Variants in PARD3 observed in about 807,000 individuals in gnomAD.
PARD3 encodes par-3 family cell polarity regulator.
Under a neutral mutation model 155.4 loss-of-function variants are expected in PARD3, and 75 were observed. That is an observed-to-expected ratio of 0.48 (90% confidence interval 0.40 to 0.58). The LOEUF (loss-of-function observed/expected upper bound fraction) is 0.58. Ranked by LOEUF, PARD3 falls within the 20% of genes least tolerant of loss-of-function variation. The pLI is 0.00. For missense variants in PARD3, 1,642 were observed against 1,721.7 expected (o/e 0.95, Z 0.82); for synonymous variants, 576 against 610.5 (o/e 0.94, Z 0.83).
In PARD3 at chr10:34,686,699, C is replaced by T. The variant is rs575709384; in HGVS notation, c.222+9619G>A. On this transcript the variant is annotated intron_variant, in intron 2 of 24. Transcript: ENST00000374788. ...GAGGTTGCAGTGAACTGTGATCGTA[C>T]CATTGCACTCCAGCCTGGGAAACAA... 2.6e-5 allele frequency among the ~76,000 whole-genome samples: 4 copies of T among 151,802 alleles called. No individual in the cohort carries two copies. In the South Asian group the frequency reaches 6.3e-4, roughly 24 times the overall value.
intron 7 of PARD3, among the ~76,000 whole-genome samples, chr10:34,389,775 T>C (rs977347982): frequency 6.6e-6 from 1 of 152,120 alleles, no homozygotes; most frequent in Non-Finnish European, 1.5e-5. Flanking sequence ...ACTGAAAGCA[T>C]GGACACCAAA....
chr10:34,449,556 CA>C (rs5784416), intron 5 of PARD3, among the ~76,000 whole-genome samples: 8,266 of 149,326 alleles, frequency 0.055, 763 homozygotes, highest in African/African-American at 0.19. Context: ...ACATATGTAA[CA>C]AATCTGCACA....
intron 22 of PARD3, among the ~76,000 whole-genome samples, chr10:34,215,793 A>AGT (rs1423149534): frequency 1.3e-5 from 2 of 152,230 alleles, no homozygotes; most frequent in Non-Finnish European, 2.9e-5. Context: ...TTAGCAAAGA[A>AGT]GTGTGTGTGT....
intron 1 of PARD3, among the ~76,000 whole-genome samples, chr10:34,805,935 T>A (rs1843325293): frequency 6.6e-6 from 1 of 151,224 alleles, no homozygotes; most frequent in South Asian, 2.1e-4. Context: ...CGAAATCACG[T>A]CACTGCACTC....
intron 22 of PARD3, among the ~76,000 whole-genome samples, chr10:34,165,783 CTTTG>C (rs1259162756): frequency 6.6e-6 from 1 of 152,164 alleles, no homozygotes; most frequent in African/African-American, 2.4e-5. Context: ...TTTTACATCT[CTTTG>C]TTTGTTCCGT....
intron 2 of PARD3, among the ~76,000 whole-genome samples, chr10:34,666,838 A>C (rs566308539): frequency 8.0e-5 from 11 of 137,570 alleles, no homozygotes; most frequent in South Asian, 4.7e-4. Context: ...CACACACACA[A>C]ACATACATTT....
chr10:34,529,951 T>C (rs1472182264), intron 2 of PARD3, among the ~76,000 whole-genome samples: 1 of 152,082 alleles, frequency 6.6e-6, no homozygotes, highest in Non-Finnish European at 1.5e-5. Flanking sequence ...ACCAGGCTGG[T>C]CTCAAACTCC....
At chr10:34,112,556 A>G (rs1452455403) in intron 24 of PARD3, among the ~76,000 whole-genome samples, 1 of 152,210 alleles carries the variant, frequency 6.6e-6, no homozygotes, top group African/African-American at 2.4e-5. Flanking sequence ...GTAATAAAAC[A>G]AAGTATATTG....
At chr10:34,268,731 G>GA (rs1261269246) in intron 22 of PARD3, among the ~76,000 whole-genome samples, 1 of 151,982 alleles carries the variant, frequency 6.6e-6, no homozygotes, top group East Asian at 1.9e-4. Context: ...TGAACAATGA[G>GA]AACACTTGGA....
At chr10:34,687,289 T>G (rs553448983) in intron 2 of PARD3, among the ~76,000 whole-genome samples, 1 of 152,254 alleles carries the variant, frequency 6.6e-6, no homozygotes, top group Admixed American at 6.5e-5. Flanking sequence ...GCAAGGGGGC[T>G]GGGGAAGGAT....
chr10:34,798,007 AAAACACAC>A (rs1324699274), intron 1 of PARD3, among the ~76,000 whole-genome samples: 3 of 152,178 alleles, frequency 2.0e-5, no homozygotes, highest in African/African-American at 7.2e-5. Flanking sequence ...CTCAAAAAAG[AAAACACAC>A]AAAGACACAA....
At chr10:34,808,121 C>T (rs1340141542) in intron 1 of PARD3, among the ~76,000 whole-genome samples, 1 of 152,142 alleles carries the variant, frequency 6.6e-6, no homozygotes, top group Non-Finnish European at 1.5e-5. Context: ...TGAGATCAGC[C>T]TAGCCAACAT....
chr10:34,718,193 G>A (rs1390161354), intron 1 of PARD3, among the ~76,000 whole-genome samples: 1 of 150,980 alleles, frequency 6.6e-6, no homozygotes, highest in Non-Finnish European at 1.5e-5. Context: ...GCAAGCCATA[G>A]GTATATGAAA....
At chr10:34,231,266 C>CAAAAAAAAAA (rs57175956) in intron 22 of PARD3, among the ~76,000 whole-genome samples, 3 of 81,848 alleles carry the variant, frequency 3.7e-5, no homozygotes, top group Non-Finnish European at 4.5e-5. Flanking sequence ...TAATCTTAGG[C>CAAAAAAAAAA]AAAAAAAAAA....
intron 1 of PARD3, among the ~76,000 whole-genome samples, chr10:34,765,404 G>A (rs1837963766): frequency 6.6e-6 from 1 of 152,068 alleles, no homozygotes; most frequent in Non-Finnish European, 1.5e-5. Flanking sequence ...TCGGCCAGGT[G>A]CAGTGGCTCA....
chr10:34,198,022 C>T (rs1023224302), intron 22 of PARD3, among the ~76,000 whole-genome samples: 5 of 152,180 alleles, frequency 3.3e-5, no homozygotes, highest in African/African-American at 7.2e-5. Flanking sequence ...CCACCGCGCC[C>T]GGCCGAATCT....
chr10:34,542,202 GGT>G (rs1186576618), intron 2 of PARD3, among the ~76,000 whole-genome samples: 1 of 65,704 alleles, frequency 1.5e-5, no homozygotes, highest in African/African-American at 6.0e-5. Context: ...GGTTGTTTGG[GGT>G]GTGTGTGTGT....
At chr10:34,302,283 G>C (rs1006763666) in intron 20 of PARD3, among the ~76,000 whole-genome samples, 3 of 152,130 alleles carry the variant, frequency 2.0e-5, no homozygotes, top group Non-Finnish European at 2.9e-5. Context: ...ATGAATTGCA[G>C]AATATTAGTA....
intron 2 of PARD3, among the ~76,000 whole-genome samples, chr10:34,685,586 T>G (rs1330596401): frequency 4.2e-5 from 6 of 143,244 alleles, no homozygotes; most frequent in Non-Finnish European, 3.0e-5. Flanking sequence ...ATGCACGTGA[T>G]TCCCGCAATC....
Sources: allele counts gnomAD v4.1 joint callset (sites outside exome capture counted in the v4.1 genomes callset), GRCh38; gene constraint gnomAD v4.1.1; transcripts MANE v1.5; gene names NCBI Gene and HGNC (gene_info 2026-07-23, HGNC 2026-07-21).